Variants in NAPEPLD observed in about 807,000 individuals in gnomAD.
NAPEPLD encodes the protein N-acyl phosphatidylethanolamine phospholipase D.
In NAPEPLD, 23 loss-of-function variants were observed where a neutral mutation model predicts 38.1. That is an observed-to-expected ratio of 0.60 (90% confidence interval 0.43 to 0.86). NAPEPLD has a LOEUF of 0.86. Ranked by LOEUF, NAPEPLD falls within the 40% of genes least tolerant of loss-of-function variation. The pLI is 0.00. For synonymous variants in NAPEPLD, 147 were observed against 162.0 expected (o/e 0.91, Z 0.71); for missense variants, 411 against 476.8 (o/e 0.86, Z 1.28).
chr7:103,119,102 G>C (rs1265675677), intron 3 of NAPEPLD, among the ~76,000 whole-genome samples: 1 of 152,196 alleles, frequency 6.6e-6, no homozygotes, highest in Non-Finnish European at 1.5e-5. Context: ...ATAAGAGTAG[G>C]TTTTATTACT....
chr7:103,113,272 T>TATCCTCCCCA (rs1396383537), intron 4 of NAPEPLD, among the ~76,000 whole-genome samples: 6 of 152,346 alleles, frequency 3.9e-5, no homozygotes, highest in African/African-American at 1.4e-4. Flanking sequence ...TATTCTCATT[T>TATCCTCCCCA]ATCCTCCCCA....
chr7:103,141,947 G>A, intron 1 of NAPEPLD: 1 of 833,690 alleles, frequency 1.2e-6, no homozygotes, highest in Middle Eastern at 3.2e-4. Flanking sequence ...CAAGGCTGCA[G>A]CCACAGCAGC....
In NAPEPLD at chr7:103,103,540, A is replaced by T. The variant is rs1207705822; in HGVS notation, c.1071T>A (p.Pro357=). 2 of 1,586,728 alleles carry T rather than the reference A, an allele frequency of 1.3e-6. No homozygotes were observed. Among genetic ancestry groups the T allele is most frequent in the South Asian group, 2.4e-5 (2 of 84,166 alleles). The part of the protein sequence containing the change: ...FALANEHYLE[P]PVKLNEALER... ...CTAGAGCTTCATTCAGCTTCACTGG[A>T]GGCTCTAAGTAATGCTGGCCAAAGA... Residue 357 remains proline, a synonymous_variant, in exon 5 of 5, where the codon CCT becomes CCA. Coordinates refer to ENST00000465647, the MANE Select transcript of NAPEPLD (RefSeq NM_001122838.3).
At chr7:103,110,918 A>G (rs942812640) in intron 4 of NAPEPLD, among the ~76,000 whole-genome samples, 9 of 152,026 alleles carry the variant, frequency 5.9e-5, no homozygotes, top group Non-Finnish European at 1.2e-4. Flanking sequence ...CAGCATTCCT[A>G]TACAGAATTA....
chr7:103,140,123 TCA>T (rs1810914325), intron 1 of NAPEPLD, among the ~76,000 whole-genome samples: 1 of 152,174 alleles, frequency 6.6e-6, no homozygotes, highest in African/African-American at 2.4e-5. Flanking sequence ...ATCCTAAACC[TCA>T]GTTTCATAAT....
intron 1 of NAPEPLD, among the ~76,000 whole-genome samples, chr7:103,136,409 T>TAA (rs10611860): frequency 2.1e-5 from 3 of 142,042 alleles, no homozygotes; most frequent in African/African-American, 7.9e-5. Flanking sequence ...CTGTCTCTAC[T>TAA]AAAAAAAAAA....
chr7:103,128,666 A>G lies in NAPEPLD; in HGVS notation c.111T>C (p.Ser37=). 1 of 1,614,218 alleles carries G rather than the reference A, an allele frequency of 6.2e-7. No homozygotes were observed. The highest frequency in any genetic ancestry group is 1.1e-5 in the South Asian group (1 of 91,090). ...SARNSGASDS[S]RFSRKSFKLD... is the part of the protein sequence containing the mutation. Reference sequence around the variant, plus strand: ...GTTTGAAGCTTTTCCTAGAAAACCTAGAAGAATCACTTGCTCCGGAATTCC... The same window carrying G: ...GTTTGAAGCTTTTCCTAGAAAACCTGGAAGAATCACTTGCTCCGGAATTCC... Residue 37 remains serine, a synonymous_variant, in exon 2 of 5, where the codon TCT becomes TCC. Coordinates refer to ENST00000465647, the MANE Select transcript of NAPEPLD (RefSeq NM_001122838.3).
rs1423720774 is a variant in NAPEPLD at position 103,102,643 on chromosome 7, A to G, written c.*786T>C. Reference sequence around the variant, plus strand: ...CTTTTGGGAATTGTAGACGTGCAATAGAATATACTGTTCCCTCTCATCTGA... The same window carrying G: ...CTTTTGGGAATTGTAGACGTGCAATGGAATATACTGTTCCCTCTCATCTGA... On this transcript the variant is annotated 3_prime_UTR_variant, in exon 5 of 5. Coordinates refer to ENST00000465647, the MANE Select transcript of NAPEPLD (RefSeq NM_001122838.3). 1 of 152,134 alleles carries G rather than the reference A, an allele frequency of 6.6e-6. No homozygotes were observed. 9.4% of individuals were successfully genotyped at this position (152,134 alleles called of 1,614,324 possible).
intron 2 of NAPEPLD, among the ~76,000 whole-genome samples, chr7:103,124,163 A>T (rs964895525): frequency 6.6e-5 from 10 of 151,920 alleles, no homozygotes; most frequent in Non-Finnish European, 1.0e-4. Flanking sequence ...AATAATAATT[A>T]AAAAATAATA....
In NAPEPLD at chr7:103,140,549, C is replaced by T. The variant is rs188622437; in HGVS notation, c.-17+8262G>A. On this transcript the variant is annotated intron_variant, in intron 1 of 4. Transcript: ENST00000465647. ...CTGGGACTACAGGAGCCCGCCACCA[C>T]GCCCGGCTAATTTTTTTGTATTTTT... Among the ~76,000 whole-genome samples, 75 of 152,032 alleles carry T rather than the reference C, an allele frequency of 4.9e-4. 1 individual carries two copies. The South Asian group carries it at 0.014, about 27-fold the overall frequency.
chr7:103,135,231 T>A (rs1211297646), intron 1 of NAPEPLD, among the ~76,000 whole-genome samples: 1 of 152,242 alleles, frequency 6.6e-6, no homozygotes, highest in Non-Finnish European at 1.5e-5. Context: ...AAACTTACTA[T>A]TCTGTATTTG....
At chr7:103,121,309 A>C (rs1421976165) in intron 2 of NAPEPLD, among the ~76,000 whole-genome samples, 1 of 152,206 alleles carries the variant, frequency 6.6e-6, no homozygotes, top group Non-Finnish European at 1.5e-5. Flanking sequence ...GCAGCATCAC[A>C]GTCCTGGCTT....
chr7:103,139,124 G>C (rs1810683836), intron 1 of NAPEPLD, among the ~76,000 whole-genome samples: 1 of 152,220 alleles, frequency 6.6e-6, no homozygotes, highest in South Asian at 2.1e-4. Flanking sequence ...GTTATTAAGA[G>C]CCAGGACATA....
rs555285084 is a variant in NAPEPLD, at chr7:103,101,796, A to G, written c.*1633T>C. On this transcript the variant is annotated 3_prime_UTR_variant, in exon 5 of 5. Transcript: ENST00000465647. ...GTGGCACCACACATACAGGTGTGCA[A>G]ATAAATTATAGAGCACTGCCTGGGT... The G allele has an allele frequency of 7.2e-5, 11 of 152,496 alleles. No individual in the cohort carries two copies. In the East Asian group the frequency reaches 1.9e-3, roughly 27 times the overall value. 9.4% of individuals were successfully genotyped at this position (152,496 alleles called of 1,614,324 possible). A position where few individuals can be genotyped will look rare whatever the true frequency, so the allele number is the denominator to read the frequency against.
rs922559059 is a variant in NAPEPLD, at chr7:103,149,040, C to A, written c.-246G>T. On this transcript the variant is annotated 5_prime_UTR_variant, in exon 1 of 5. Transcript: ENST00000465647. ...GAGGGAGGGCTCGGGGACGGGAAACCCACTCTCAGCCCGCTCCACTTCGCC... is the reference window on the plus strand; with the variant it reads ...GAGGGAGGGCTCGGGGACGGGAAACACACTCTCAGCCCGCTCCACTTCGCC... 1 of 985,400 alleles carries A rather than the reference C, an allele frequency of 1.0e-6. No homozygotes were observed. The highest frequency in any genetic ancestry group is 1.2e-6 in the Non-Finnish European group (1 of 829,946). 61.0% of individuals were successfully genotyped at this position (985,400 alleles called of 1,614,324 possible).
chr7:103,141,975 C>T (rs1811497952), intron 1 of NAPEPLD: 1 of 736,692 alleles, frequency 1.4e-6, no homozygotes. Flanking sequence ...AAGAGCTCCC[C>T]TGTGGAGCTT....
chr7:103,105,955 AAAG>A (rs1803245327), intron 4 of NAPEPLD, among the ~76,000 whole-genome samples: 2 of 151,364 alleles, frequency 1.3e-5, no homozygotes, highest in African/African-American at 2.4e-5. Flanking sequence ...AAAAAAAAAA[AAAG>A]GCTGAAGAGG....
rs1030684054 is a variant in NAPEPLD at position 103,102,322 on chromosome 7, C to A, written c.*1107G>T. On this transcript the variant is annotated 3_prime_UTR_variant, in exon 5 of 5. Transcript: ENST00000465647. ...TTCTCATAGCCACACTCCTTCCCTTCCTCTGCTCAGCTAAGGAGAGGGCTT... is the reference window on the plus strand; with the variant it reads ...TTCTCATAGCCACACTCCTTCCCTTACTCTGCTCAGCTAAGGAGAGGGCTT... 1.3e-5 allele frequency: 2 copies of A among 152,150 alleles called. No homozygotes were observed. The highest frequency in any genetic ancestry group is 2.9e-5 in the Non-Finnish European group (2 of 68,036). The allele number at this position is 152,150 out of a possible 1,614,324, so 9.4% of individuals were successfully genotyped here. A position where few individuals can be genotyped will look rare whatever the true frequency, so the allele number is the denominator to read the frequency against.
rs753056629 is a variant in NAPEPLD, at chr7:103,115,048, A to C, written c.1056+12T>G. 6.3e-7 allele frequency: 1 copy of C among 1,592,818 alleles called. No homozygotes were observed. Among genetic ancestry groups the C allele is most frequent in the South Asian group, 1.1e-5 (1 of 89,700 alleles). ...AAACACACAAAGTTATTTTTATCGC[A>C]ATCAAACTTACCTCATTTGCTAAGG... On this transcript the variant is annotated intron_variant, in intron 4 of 4. Coordinates refer to ENST00000465647, the MANE Select transcript of NAPEPLD (RefSeq NM_001122838.3).
Sources: allele counts gnomAD v4.1 joint callset (sites outside exome capture counted in the v4.1 genomes callset), GRCh38; gene constraint gnomAD v4.1.1; transcripts MANE v1.5; gene names NCBI Gene and HGNC (gene_info 2026-07-23, HGNC 2026-07-21).